OLFM1: variants seen among roughly 807,000 people sequenced by gnomAD.
OLFM1 encodes noelin.
A neutral mutation model predicts 49.7 loss-of-function variants in OLFM1; 9 were observed. The observed-to-expected ratio is 0.18, with a 90% confidence interval of 0.11 to 0.32. The LOEUF (loss-of-function observed/expected upper bound fraction) is 0.32. Among genes scored for constraint, OLFM1 ranks in the 10% least tolerant of loss-of-function variants. The pLI is 1.00. For synonymous variants in OLFM1, 240 were observed against 271.8 expected (o/e 0.88, Z 1.15); for missense variants, 369 against 661.8 (o/e 0.56, Z 4.85).
In OLFM1 at chr9:135,088,182, C is replaced by G; in HGVS notation, c.150+43C>G. On this transcript the variant is annotated intron_variant, in intron 1 of 5. Coordinates refer to ENST00000371793, the MANE Select transcript of OLFM1 (RefSeq NM_001282611.2). The surrounding 1 kb of genome is among the most constrained non-coding windows in gnomAD (Gnocchi z 4.8). ...CCGCCTTGGCGCGGCTCCTCCTCCT[C>G]CTCCTCCTCCCCCTCCTCGGTCCGG... The G allele has an allele frequency of 7.9e-7, 1 of 1,270,344 alleles. No individual in the cohort carries two copies. Among genetic ancestry groups the G allele is most frequent in the African/African-American group, 1.6e-5 (1 of 64,054 alleles). The allele number at this position is 1,270,344 out of a possible 1,614,324, so 78.7% of individuals were successfully genotyped here. A position where few individuals can be genotyped will look rare whatever the true frequency, so the allele number is the denominator to read the frequency against.
At chr9:135,077,908 G>C (rs1454405061) in intron 1 of OLFM1, among the ~76,000 whole-genome samples, 2 of 152,260 alleles carry the variant, frequency 1.3e-5, no homozygotes, top group Non-Finnish European at 2.9e-5. Flanking sequence ...AGGGGGCAGA[G>C]AGTGGCTGGC....
chr9:135,090,410 A>C (rs904703268), intron 2 of OLFM1, 66 bp downstream of exon 2: 47 of 1,488,264 alleles, frequency 3.2e-5, no homozygotes, highest in Non-Finnish European at 4.2e-5. Context: ...GTGTGTGTAC[A>C]TGCCTGTGTG....
chr9:135,092,005 A>T (rs933857078), intron 2 of OLFM1, among the ~76,000 whole-genome samples: 2 of 152,148 alleles, frequency 1.3e-5, no homozygotes, highest in Non-Finnish European at 2.9e-5. Flanking sequence ...TCAGCTCAGG[A>T]GTATGGCAGG....
At chr9:135,087,554 G>T, upstream of OLFM1, 1 of 1,187,328 alleles carries the variant, frequency 8.4e-7, no homozygotes. Context: ...AGGGGGCGGC[G>T]GGGAGCCGAG....
At chr9:135,081,565 T>C (rs1437793672) in intron 1 of OLFM1, among the ~76,000 whole-genome samples, 1 of 152,094 alleles carries the variant, frequency 6.6e-6, no homozygotes, top group Non-Finnish European at 1.5e-5. Context: ...CGGGGATGCA[T>C]CTAGGAGTGC....
In OLFM1 at chr9:135,108,451, A is replaced by T. The variant is rs148094976; in HGVS notation, c.783+1596A>T. On this transcript the variant is annotated intron_variant, in intron 5 of 5. Transcript: ENST00000371793. ...GAGTTTGAGACCATCCTGGCCAACA[A>T]GGTGAAACCCCATCTCTCTAAAAAT... Among the ~76,000 whole-genome samples, 1,100 of 152,064 alleles carry T rather than the reference A, an allele frequency of 7.2e-3. 10 individuals carry two copies. The highest frequency in any genetic ancestry group is 0.023 in the African/African-American group (941 of 41,494).
intron 1 of OLFM1, chr9:135,076,153 C>T: frequency 1.9e-6 from 3 of 1,549,946 alleles, no homozygotes; most frequent in South Asian, 2.4e-5. Context: ...GAGTGAGAGC[C>T]GGATAGCCAA....
chr9:135,087,159 A>G, upstream of OLFM1: 4 of 1,289,810 alleles, frequency 3.1e-6, no homozygotes, highest in Admixed American at 3.2e-5. Flanking sequence ...CGATGCCCCG[A>G]CGCCCCCCTG....
chr9:135,088,636 G>A lies in OLFM1; in HGVS notation c.150+497G>A, dbSNP rs2119098932. On this transcript the variant is annotated intron_variant, in intron 1 of 5. Coordinates refer to ENST00000371793, the MANE Select transcript of OLFM1 (RefSeq NM_001282611.2). The surrounding 1 kb of genome is among the most constrained non-coding windows in gnomAD (Gnocchi z 4.8). ...GACTGGCCGGACCGGGCTGGGAGTG[G>A]GGCCCCAGCCGGTGGGCTCCGGAGC... Among the ~76,000 whole-genome samples the A allele has an allele frequency of 6.6e-6, 1 of 152,024 alleles. No homozygotes were observed. The highest frequency in any genetic ancestry group is 1.5e-5 in the Non-Finnish European group (1 of 67,940).
intron 2 of OLFM1, 114 bp from the exon 3 acceptor site, chr9:135,095,750 C>G (rs1307385398): frequency 8.8e-7 from 1 of 1,137,226 alleles, no homozygotes; most frequent in East Asian, 2.4e-5. Context: ...TGGGCCACTT[C>G]TGGTTCCCAG....
At chr9:135,100,129 C>T (rs1479281091) in intron 4 of OLFM1, among the ~76,000 whole-genome samples, 1 of 152,184 alleles carries the variant, frequency 6.6e-6, no homozygotes, top group Non-Finnish European at 1.5e-5. Context: ...TGAGCAGTGT[C>T]TTCCCTCCCT....
At chr9:135,084,449 CCTCTCTGTCTCTCTT>C (rs1379924349), upstream of OLFM1, among the ~76,000 whole-genome samples, 32 of 145,794 alleles carry the variant, frequency 2.2e-4, no homozygotes, top group South Asian at 4.3e-3. The surrounding 1 kb of genome is among the most constrained non-coding windows in gnomAD (Gnocchi z 4.6). Flanking sequence ...TATTATCTCT[CCTCTCTGTCTCTCTT>C]CTCTCTGTCT....
In OLFM1 at chr9:135,088,096, A is replaced by C; in HGVS notation, c.107A>C (p.Lys36Thr). ...TCGCTGGTGGGCCTCAACACCACCAAGCTCTCGGCGGCCGGCGGCGGGACG... is the reference window on the plus strand; with the variant it reads ...TCGCTGGTGGGCCTCAACACCACCACGCTCTCGGCGGCCGGCGGCGGGACG... ...LPSLVGLNTT[K>T]LSAAGGGTLD... The change falls in exon 1 of 6, where the codon AAG becomes ACG. Residue 36 changes from lysine (K) to threonine (T), a missense_variant. Physicochemically the swap from Lys to Thr is moderately conservative, Grantham distance 78. This residue lies in a region of OLFM1 where 55 missense variants were observed against 53.3 expected (regional missense o/e 1.03). Coordinates refer to ENST00000371793, the MANE Select transcript of OLFM1 (RefSeq NM_001282611.2). This position sits in a 1 kb window ranked among gnomAD's most constrained non-coding sequence, Gnocchi z 4.8. 4 of 1,421,420 alleles carry C rather than the reference A, an allele frequency of 2.8e-6. No homozygotes were observed. The highest frequency in any genetic ancestry group is 3.7e-6 in the Non-Finnish European group (4 of 1,072,456). 88.1% of individuals were successfully genotyped at this position (1,421,420 alleles called of 1,614,324 possible).
intron 4 of OLFM1, among the ~76,000 whole-genome samples, chr9:135,101,105 C>T (rs1227772997): frequency 6.6e-6 from 1 of 152,194 alleles, no homozygotes; most frequent in African/African-American, 2.4e-5. Flanking sequence ...CATCTCAGGA[C>T]CACCCTGGCA....
chr9:135,087,313 G>A, upstream of OLFM1: 5 of 1,523,400 alleles, frequency 3.3e-6, no homozygotes, highest in Non-Finnish European at 4.4e-6. Context: ...CTCTCTGCCG[G>A]CAACCTTTGC....
At chr9:135,089,871 G>A in intron 1 of OLFM1, among the ~76,000 whole-genome samples, 1 of 152,122 alleles carries the variant, frequency 6.6e-6, no homozygotes, top group East Asian at 1.9e-4. Flanking sequence ...GCCTCCAGTT[G>A]CCCCTCCCAT....
chr9:135,102,519 G>T (rs1225491671), intron 4 of OLFM1, among the ~76,000 whole-genome samples: 1 of 152,218 alleles, frequency 6.6e-6, no homozygotes, highest in Non-Finnish European at 1.5e-5. Flanking sequence ...AAGTTCTCCA[G>T]ATGACAGGCG....
intron 4 of OLFM1, among the ~76,000 whole-genome samples, chr9:135,102,117 G>A (rs1280751641): frequency 6.6e-6 from 1 of 152,214 alleles, no homozygotes; most frequent in Non-Finnish European, 1.5e-5. Context: ...GCCTGCCTGG[G>A]TATCTAGGTT....
At chr9:135,076,071 C>G (rs754099119) in intron 1 of OLFM1, 2 of 1,466,028 alleles carry the variant, frequency 1.4e-6, no homozygotes, top group Non-Finnish European at 1.8e-6. Context: ...CCGCTGCCCC[C>G]GACTCCCTGC....
Sources: allele counts gnomAD v4.1 joint callset (sites outside exome capture counted in the v4.1 genomes callset), GRCh38; gene constraint gnomAD v4.1.1; regional missense constraint gnomAD v4.1.1; non-coding constraint Gnocchi (gnomAD v3.1); transcripts MANE v1.5; gene names NCBI Gene and HGNC (gene_info 2026-07-23, HGNC 2026-07-21).